The following DPP6 variants were observed in gnomAD, a reference collection of about 807,000 sequenced individuals.
DPP6 encodes the protein dipeptidyl peptidase like 6.
In DPP6, 69 loss-of-function variants were observed where a neutral mutation model predicts 122.6. The observed-to-expected ratio is 0.56, with a 90% CI of 0.46 to 0.69. The LOEUF (loss-of-function observed/expected upper bound fraction) is 0.69. DPP6 is among the 30% of genes least tolerant of loss of function. The pLI is 0.00. For missense variants in DPP6, 928 were observed against 1,116.9 expected (o/e 0.83, Z 2.41); for synonymous variants, 418 against 433.1 (o/e 0.97, Z 0.43).
chr7:154,465,619 C>T (rs908491278), intron 2 of DPP6, among the ~76,000 whole-genome samples: 8 of 152,164 alleles, frequency 5.3e-5, no homozygotes, highest in African/African-American at 1.9e-4. Context: ...TTCATCATCA[C>T]AGGTCATTAA....
chr7:154,501,079 T>C (rs1825198120), intron 3 of DPP6, among the ~76,000 whole-genome samples: 1 of 152,202 alleles, frequency 6.6e-6, no homozygotes, highest in Admixed American at 6.5e-5. Flanking sequence ...GCCCCTGCCC[T>C]AGAGATTTGT....
At chr7:154,339,486 C>T (rs902482872) in intron 1 of DPP6, among the ~76,000 whole-genome samples, 7 of 152,242 alleles carry the variant, frequency 4.6e-5, no homozygotes, top group African/African-American at 1.7e-4. Flanking sequence ...AAAACGTCTA[C>T]TTCCCGTAGG....
chr7:153,976,045 C>CTGT (rs1796283599), intron 1 of DPP6, among the ~76,000 whole-genome samples: 1 of 152,112 alleles, frequency 6.6e-6, no homozygotes, highest in African/African-American at 2.4e-5. Context: ...GCTACTGTTA[C>CTGT]TGTTATTATT....
chr7:153,914,166 G>A (rs1278144160), intron 1 of DPP6, among the ~76,000 whole-genome samples: 1 of 152,064 alleles, frequency 6.6e-6, no homozygotes, highest in East Asian at 1.9e-4. Flanking sequence ...AGTCCCACAA[G>A]GTCTGATGAT....
At chr7:154,793,896 C>A in intron 10 of DPP6, 183 bp from the exon 11 acceptor site, 1 of 943,384 alleles carries the variant, frequency 1.1e-6, no homozygotes, top group Non-Finnish European at 1.5e-6. Flanking sequence ...GGCGGCCCCT[C>A]AGAGTCCCGC....
intron 1 of DPP6, among the ~76,000 whole-genome samples, chr7:153,967,725 C>G (rs979938459): frequency 6.6e-6 from 1 of 151,894 alleles, no homozygotes; most frequent in African/African-American, 2.4e-5. Flanking sequence ...TGTGTGCATG[C>G]GAGATAGTTT....
chr7:153,909,375 G>A (rs921174814), intron 1 of DPP6, among the ~76,000 whole-genome samples: 1 of 152,056 alleles, frequency 6.6e-6, no homozygotes, highest in African/African-American at 2.4e-5. Flanking sequence ...GGAGCAGTTG[G>A]TGTTTATGCT....
At chr7:154,853,638 A>T in intron 16 of DPP6, 142 bp from the exon 17 acceptor site, 1 of 1,206,288 alleles carries the variant, frequency 8.3e-7, no homozygotes, top group Non-Finnish European at 1.1e-6. Context: ...CCATCCCATC[A>T]TTGATTACTC....
At chr7:153,883,876 TCA>T (rs1307537686), upstream of DPP6, among the ~76,000 whole-genome samples, 1 of 152,208 alleles carries the variant, frequency 6.6e-6, no homozygotes, top group Non-Finnish European at 1.5e-5. Flanking sequence ...GGGCTCTGGG[TCA>T]CAAGCTGGGC....
At chr7:153,848,524 A>G in the DPP6 span, among the ~76,000 whole-genome samples, 1 of 152,156 alleles carries the variant, frequency 6.6e-6, no homozygotes, top group Non-Finnish European at 1.5e-5. Flanking sequence ...ACAGAACACT[A>G]TTGGGAATCT....
intron 1 of DPP6, among the ~76,000 whole-genome samples, chr7:154,445,432 G>A (rs1425383207): frequency 1.3e-5 from 2 of 152,096 alleles, no homozygotes; most frequent in Non-Finnish European, 2.9e-5. Context: ...TAATTTGCAC[G>A]GAACTGAAAA....
chr7:154,777,764 C>T (rs968485835), intron 10 of DPP6, among the ~76,000 whole-genome samples: 19 of 152,032 alleles, frequency 1.2e-4, no homozygotes, highest in Non-Finnish European at 2.2e-4. Context: ...CAAGCAGAGG[C>T]GGTAAAGGGC....
At chr7:154,491,591 A>G (rs1300754100) in intron 3 of DPP6, among the ~76,000 whole-genome samples, 1 of 152,162 alleles carries the variant, frequency 6.6e-6, no homozygotes, top group Non-Finnish European at 1.5e-5. Flanking sequence ...CTTTTGAATC[A>G]GTCCTTGAGA....
At chr7:154,880,266 C>A (rs1203277208) in intron 20 of DPP6, among the ~76,000 whole-genome samples, 1 of 152,204 alleles carries the variant, frequency 6.6e-6, no homozygotes, top group Non-Finnish European at 1.5e-5. Flanking sequence ...GAGGCAGGGA[C>A]CCAGGCAGCA....
intron 16 of DPP6, among the ~76,000 whole-genome samples, chr7:154,812,121 G>T (rs899880441): frequency 6.6e-6 from 1 of 152,168 alleles, no homozygotes; most frequent in Admixed American, 6.5e-5. Flanking sequence ...TAACAACTAG[G>T]ACAAGGTGGA....
At chr7:154,310,167 T>C (rs1213346983) in intron 1 of DPP6, among the ~76,000 whole-genome samples, 1 of 152,014 alleles carries the variant, frequency 6.6e-6, no homozygotes. Flanking sequence ...AACACCAGAG[T>C]GGGTCCTTGA....
chr7:154,150,353 A>C lies in DPP6; in HGVS notation c.243+97290A>C, dbSNP rs536128370. Among the ~76,000 whole-genome samples, 130 of 152,282 alleles carry C rather than the reference A, an allele frequency of 8.5e-4. 1 individual carries two copies. The highest frequency in any genetic ancestry group is 1.4e-3 in the Non-Finnish European group (96 of 68,026). On this transcript the variant is annotated intron_variant, in intron 1 of 25. Coordinates refer to ENST00000377770, the MANE Select transcript of DPP6 (RefSeq NM_130797.4). ...GAAACAGCCAAGGATGGGGGAAACC[A>C]ATCCTGGGAGCACAGGGGTACTCGC...
intron 1 of DPP6, among the ~76,000 whole-genome samples, chr7:153,934,790 T>A (rs1414029070): frequency 6.6e-6 from 1 of 152,032 alleles, no homozygotes; most frequent in African/African-American, 2.4e-5. Context: ...ACTGCCCAGA[T>A]GCTTTGCTGA....
chr7:154,478,744 C>T (rs1322596325), intron 3 of DPP6, among the ~76,000 whole-genome samples: 1 of 152,160 alleles, frequency 6.6e-6, no homozygotes, highest in Non-Finnish European at 1.5e-5. Context: ...ATTCAGGTCT[C>T]CTGCCAATTT....
Sources: allele counts gnomAD v4.1 joint callset (sites outside exome capture counted in the v4.1 genomes callset), GRCh38; gene constraint gnomAD v4.1.1; transcripts MANE v1.5; gene names NCBI Gene and HGNC (gene_info 2026-07-23, HGNC 2026-07-21).